Variants in CLOCK observed in about 807,000 individuals in gnomAD.
CLOCK encodes the protein clock circadian regulator.
CLOCK carries 43 observed loss-of-function variants against 118.4 expected under a neutral mutation model. The ratio of observed to expected loss-of-function variants is 0.36; its 90% CI spans 0.28 to 0.47. The LOEUF is 0.47. Among genes scored for constraint, CLOCK ranks in the 20% least tolerant of loss-of-function variants. The pLI is 1.00. For missense variants in CLOCK, 846 were observed against 999.9 expected (o/e 0.85, Z 2.08); for synonymous variants, 326 against 339.2 (o/e 0.96, Z 0.43).
intron 8 of CLOCK, among the ~76,000 whole-genome samples, chr4:55,466,531 G>A (rs1347153198): frequency 6.6e-6 from 1 of 152,108 alleles, no homozygotes; most frequent in African/African-American, 2.4e-5. Flanking sequence ...ACTATTATTT[G>A]TTACTAACAA....
rs1724186868 is a variant in CLOCK at position 55,448,963 on chromosome 4, C to CT, written c.1450-96dup. On this transcript the variant is annotated intron_variant, in intron 17 of 22. Coordinates refer to ENST00000513440, the MANE Select transcript of CLOCK (RefSeq NM_004898.4). Reference sequence around the variant, plus strand: ...TCAATATGATATTCGTATTAATAAACTTACCATTTGCCTCATACTTTTGTT... The same window carrying CT: ...TCAATATGATATTCGTATTAATAAACTTTACCATTTGCCTCATACTTTTGTT... 7.0e-6 allele frequency: 7 copies of CT among 1,000,086 alleles called. No individual in the cohort carries two copies. The East Asian group carries it at 1.8e-4, about 26-fold the overall frequency. The allele number at this position is 1,000,086 out of a possible 1,614,324, so 62.0% of individuals were successfully genotyped here. A position where few individuals can be genotyped will look rare whatever the true frequency, so the allele number is the denominator to read the frequency against.
Position 55,429,253 on chromosome 4 carries a change from A to G in CLOCK, c.*6162T>C, listed in dbSNP as rs1722366363. 1 of 152,168 alleles carries G rather than the reference A, an allele frequency of 6.6e-6. No homozygotes were observed. Among genetic ancestry groups the G allele is most frequent in the South Asian group, 2.1e-4 (1 of 4,830 alleles). The allele number at this position is 152,168 out of a possible 1,614,324, so 9.4% of individuals were successfully genotyped here. On this transcript the variant is annotated 3_prime_UTR_variant, in exon 23 of 23. Transcript: ENST00000513440. The stretch of plus-strand genomic sequence containing the variant: ...AACGTATCTTCAGTTTAACCCTCAG[A>G]GTTAAGAAATATTTTTTAGATCATT...
In CLOCK at chr4:55,538,908, A is replaced by T. The variant is rs77519221; in HGVS notation, c.-290+7874T>A. Among the ~76,000 whole-genome samples, 265 of 152,320 alleles carry T rather than the reference A, an allele frequency of 1.7e-3. 4 individuals carry two copies. In the East Asian group the frequency reaches 0.048, roughly 28 times the overall value. Reference sequence around the variant, plus strand: ...ATTCTTAATGTGTTGAAAGAAAATAACTACCAACTTAGAACTTAATAGCCA... The same window carrying T: ...ATTCTTAATGTGTTGAAAGAAAATATCTACCAACTTAGAACTTAATAGCCA... On this transcript the variant is annotated intron_variant, in intron 1 of 22. Transcript: ENST00000513440.
At chr4:55,440,734 G>C (rs1473077477) in intron 21 of CLOCK, among the ~76,000 whole-genome samples, 1 of 152,092 alleles carries the variant, frequency 6.6e-6, no homozygotes, top group African/African-American at 2.4e-5. Context: ...TGGCTCACTG[G>C]TAAATGTGAT....
chr4:55,438,719 A>G (rs191159812), intron 21 of CLOCK, among the ~76,000 whole-genome samples, 182 bp from the exon 22 acceptor site: 1 of 152,230 alleles, frequency 6.6e-6, no homozygotes, highest in African/African-American at 2.4e-5. Flanking sequence ...CAGTAAAACA[A>G]AAAATTCATA....
At chr4:55,439,978 A>ACCAT (rs1723219437) in intron 21 of CLOCK, among the ~76,000 whole-genome samples, 1 of 152,142 alleles carries the variant, frequency 6.6e-6, no homozygotes, top group African/African-American at 2.4e-5. Context: ...AACGGTTAAC[A>ACCAT]TGGTAACTTT....
At position 55,428,386 on chromosome 4, in the gene CLOCK, T is replaced by C. The variant is rs1722322381; in HGVS notation, c.*7029A>G. ...GATCCACATTTTATACAATATTGTATTTCCAAACATACATAGGTCATGAAA... is the reference window on the plus strand; with the variant it reads ...GATCCACATTTTATACAATATTGTACTTCCAAACATACATAGGTCATGAAA... On this transcript the variant is annotated 3_prime_UTR_variant, in exon 23 of 23. Coordinates refer to ENST00000513440, the MANE Select transcript of CLOCK (RefSeq NM_004898.4). 1 of 152,212 alleles carries C rather than the reference T, an allele frequency of 6.6e-6. No homozygotes were observed. The highest frequency in any genetic ancestry group is 1.5e-5 in the Non-Finnish European group (1 of 68,038). 9.4% of individuals were successfully genotyped at this position (152,212 alleles called of 1,614,324 possible).
intron 20 of CLOCK, among the ~76,000 whole-genome samples, chr4:55,443,234 G>C (rs530578624): frequency 9.9e-5 from 15 of 152,202 alleles, no homozygotes; most frequent in Non-Finnish European, 1.6e-4. Flanking sequence ...CCAGCACTTT[G>C]GGAGGCTGAG....
intron 1 of CLOCK, among the ~76,000 whole-genome samples, chr4:55,524,421 AAAAAAAG>A (rs1730041649): frequency 6.6e-6 from 1 of 151,994 alleles, no homozygotes. Context: ...ACAAAAACAA[AAAAAAAG>A]AAAAAAGAAA....
chr4:55,544,502 T>C (rs1180363341), intron 1 of CLOCK, among the ~76,000 whole-genome samples: 1 of 152,154 alleles, frequency 6.6e-6, no homozygotes, highest in African/African-American at 2.4e-5. Context: ...CTAAACATCT[T>C]TAAAAGATAA....
At chr4:55,467,213 T>C (rs1235743516) in intron 8 of CLOCK, among the ~76,000 whole-genome samples, 1 of 152,212 alleles carries the variant, frequency 6.6e-6, no homozygotes, top group African/African-American at 2.4e-5. Context: ...ATGTTGTCTA[T>C]TTCAAAGGGC....
intron 2 of CLOCK, among the ~76,000 whole-genome samples, chr4:55,508,607 T>G (rs1370964241): frequency 6.6e-6 from 1 of 151,800 alleles, no homozygotes; most frequent in Non-Finnish European, 1.5e-5. Context: ...TTTTTTTTTT[T>G]TTTGAGACGG....
intron 1 of CLOCK, chr4:55,545,875 AGAAACCGAGCGCCTCGCCGCCAACCCTC>A (rs1387915330): frequency 6.6e-6 from 1 of 152,274 alleles, no homozygotes; most frequent in Non-Finnish European, 1.5e-5. Context: ...ACGGAAGAAG[AGAAACCGAGCGCCTCGCCGCCAACCCTC>A]GAACCCGCGC....
intron 21 of CLOCK, among the ~76,000 whole-genome samples, chr4:55,441,083 C>T (rs556115613): frequency 1.3e-4 from 20 of 152,306 alleles, no homozygotes; most frequent in South Asian, 1.2e-3. Context: ...ATTGCTTTTA[C>T]TAGTTTGGTC....
chr4:55,517,978 G>T (rs1444677363), intron 1 of CLOCK, among the ~76,000 whole-genome samples: 2 of 152,114 alleles, frequency 1.3e-5, no homozygotes, highest in Non-Finnish European at 2.9e-5. Context: ...GGGGGGTGGG[G>T]AGTCGGATCG....
chr4:55,478,495 TA>T (rs373135870), intron 6 of CLOCK, among the ~76,000 whole-genome samples: 4 of 152,166 alleles, frequency 2.6e-5, no homozygotes, highest in African/African-American at 9.6e-5. Context: ...CTCCCTGACA[TA>T]CTCTTTCCTG....
intron 1 of CLOCK, among the ~76,000 whole-genome samples, chr4:55,543,192 A>G (rs111591272): frequency 1.7e-3 from 257 of 152,358 alleles, no homozygotes; most frequent in African/African-American, 6.0e-3. Context: ...TTTACAGTGA[A>G]TTAAATCTAT....
intron 18 of CLOCK, among the ~76,000 whole-genome samples, chr4:55,446,073 T>C (rs1381723148): frequency 6.6e-6 from 1 of 151,176 alleles, no homozygotes. Context: ...ATATTGTGGC[T>C]ACCACTTACT....
intron 1 of CLOCK, among the ~76,000 whole-genome samples, chr4:55,512,744 G>T (rs1729245199): frequency 6.6e-6 from 1 of 151,946 alleles, no homozygotes; most frequent in Non-Finnish European, 1.5e-5. Context: ...TTTTATGAAG[G>T]GTATAAGGTC....
Sources: gnomAD v4.1 joint callset for allele counts (sites outside exome capture counted in the v4.1 genomes callset) on GRCh38, gnomAD v4.1.1 for gene constraint, MANE v1.5 for transcripts, NCBI Gene and HGNC (gene_info 2026-07-23, HGNC 2026-07-21) for gene names.